MANSC4: variants seen among roughly 807,000 people sequenced by gnomAD.
MANSC4 encodes MANSC domain containing 4, also known as MANSC domain-containing protein 4.
Under a neutral mutation model 11.4 loss-of-function variants are expected in MANSC4, and 11 were observed. That is an observed-to-expected ratio of 0.97 (90% CI 0.61 to 1.60). The LOEUF is 1.60. Ranked by LOEUF, MANSC4 falls within the 40% of genes most tolerant of loss-of-function variation. The pLI is 0.00. For synonymous variants in MANSC4, 123 were observed against 147.1 expected (o/e 0.84, Z 1.19); for missense variants, 354 against 404.6 (o/e 0.88, Z 1.07).
rs372024346 is a variant in MANSC4, at chr12:27,773,551, G to T, written c.-306-1969C>A. ...ATACATTATATTTCTTTCCAATAGGGTGCTCTTGCTCTGCAGAGGGGTTCA... is the reference window on the plus strand; with the variant it reads ...ATACATTATATTTCTTTCCAATAGGTTGCTCTTGCTCTGCAGAGGGGTTCA... On this transcript the variant is annotated intron_variant, in intron 1 of 3. Coordinates refer to ENST00000381273, the MANE Select transcript of MANSC4 (RefSeq NM_001146221.5). 2.0e-5 allele frequency among the ~76,000 whole-genome samples: 3 copies of T among 152,294 alleles called. No individual in the cohort carries two copies. The South Asian group carries it at 6.2e-4, about 32-fold the overall frequency.
intron 1 of MANSC4, among the ~76,000 whole-genome samples, chr12:27,779,030 G>A (rs529765231): frequency 2.6e-5 from 4 of 152,258 alleles, no homozygotes; most frequent in African/African-American, 7.2e-5. Flanking sequence ...CACCACGCCC[G>A]GCTAATTTTT....
Position 27,780,181 on chromosome 12 carries a change from G to A in MANSC4, c.-307+29C>T, listed in dbSNP as rs1424299317. 5 of 438,696 alleles carry A rather than the reference G, an allele frequency of 1.1e-5. No homozygotes were observed. Among genetic ancestry groups the A allele is most frequent in the Non-Finnish European group, 1.7e-5 (5 of 291,138 alleles). The allele number at this position is 438,696 out of a possible 1,614,324, so 27.2% of individuals were successfully genotyped here. ...GGCCCCGGGAGGAGGGGCCGCCGGA[G>A]AGGCCGGGCGAGCGCGGGCGGCCCT... is the stretch of plus-strand genomic sequence containing the variant. On this transcript the variant is annotated intron_variant, in intron 1 of 3. Transcript: ENST00000381273. This position sits in a 1 kb window ranked among gnomAD's most constrained non-coding sequence, Gnocchi z 8.8.
Position 27,771,291 on chromosome 12 carries a change from G to T in MANSC4, c.-15C>A. 1 of 1,545,024 alleles carries T rather than the reference G, an allele frequency of 6.5e-7. No individual in the cohort carries two copies. Reference sequence around the variant, plus strand: ...GCCACATGCATTTTTCCTGTATGAAGGAAGACTCGAAGATAAGTCTGATTT... The same window carrying T: ...GCCACATGCATTTTTCCTGTATGAATGAAGACTCGAAGATAAGTCTGATTT... On this transcript the variant is annotated 5_prime_UTR_variant, in exon 2 of 4. Transcript: ENST00000381273.
Position 27,763,396 on chromosome 12 carries a change from C to T in MANSC4, c.365G>A (p.Gly122Asp). 1 of 1,532,758 alleles carries T rather than the reference C, an allele frequency of 6.5e-7. No homozygotes were observed. Among genetic ancestry groups the T allele is most frequent in the African/African-American group, 1.4e-5 (1 of 72,180 alleles). 94.9% of individuals were successfully genotyped at this position (1,532,758 alleles called of 1,614,324 possible). A position where few individuals can be genotyped will look rare whatever the true frequency, so the allele number is the denominator to read the frequency against. ...TSAILYNITD[G>D]IDPDLLVFEQ... The stretch of plus-strand genomic sequence containing the variant: ...AAAAACCAGCAAATCCGGATCTATA[C>T]CTGAAAAATAAATAAGGCATCATTC... Residue 122 changes from glycine (G) to aspartate (D), a missense_variant and splice_region_variant, in exon 4 of 4, where the codon GGT (glycine) becomes GAT (aspartate). Physicochemically the swap from Gly to Asp is moderately conservative, Grantham distance 94. Transcript: ENST00000381273.
chr12:27,770,885 A>T lies in MANSC4; in HGVS notation c.229+163T>A, dbSNP rs139435457. The stretch of plus-strand genomic sequence containing the variant: ...CTGCTGTGGCCCAGACTGTGAAATC[A>T]GTTTCACTGGCTCTCTTACCTCTCC... On this transcript the variant is annotated intron_variant, in intron 2 of 3. Transcript: ENST00000381273. Among the ~76,000 whole-genome samples, 5 of 152,312 alleles carry T rather than the reference A, an allele frequency of 3.3e-5. No individual in the cohort carries two copies. In the East Asian group the frequency reaches 9.6e-4, roughly 29 times the overall value.
intron 3 of MANSC4, 51 bp from the exon 4 acceptor site, chr12:27,763,447 A>C (rs1051388213): frequency 2.0e-6 from 3 of 1,478,578 alleles, no homozygotes; most frequent in Non-Finnish European, 2.7e-6. Context: ...TCAAAGCAAA[A>C]ACCCTAAAGC....
Position 27,771,224 on chromosome 12 carries a change from C to T in MANSC4, c.53G>A (p.Trp18Ter), listed in dbSNP as rs1565477956. ...GGGTGAGCAGAGAGAGTCTGATGTC[C>T]ACCCCATGCTTAGGAGCAATATCAC... ...VNVILLLSMGWTSDSLCSPTI... is the reference protein window; with the variant it reads ...VNVILLLSMG Residue 18 changes from tryptophan to a stop codon, truncating the protein, a stop_gained, in exon 2 of 4, where the codon TGG (tryptophan) becomes TAG (stop). Coordinates refer to ENST00000381273, the MANE Select transcript of MANSC4 (RefSeq NM_001146221.5). LOFTEE classifies it high-confidence loss of function. 2.6e-6 allele frequency: 4 copies of T among 1,551,788 alleles called. No individual in the cohort carries two copies. The highest frequency in any genetic ancestry group is 3.5e-6 in the Non-Finnish European group (4 of 1,147,100).
In MANSC4 at chr12:27,770,861, T is replaced by G. The variant is rs2062097316; in HGVS notation, c.229+187A>C. 3.9e-5 allele frequency among the ~76,000 whole-genome samples: 6 copies of G among 152,334 alleles called. No homozygotes were observed. The South Asian group carries it at 1.2e-3, about 32-fold the overall frequency. On this transcript the variant is annotated intron_variant, in intron 2 of 3. Transcript: ENST00000381273. The stretch of plus-strand genomic sequence containing the variant: ...CATTATTAGATCTGTAAATAGAGCC[T>G]GCTGTGGCCCAGACTGTGAAATCAG...
At chr12:27,771,851 T>C (rs1314072891) in intron 1 of MANSC4, among the ~76,000 whole-genome samples, 1 of 152,156 alleles carries the variant, frequency 6.6e-6, no homozygotes, top group African/African-American at 2.4e-5. Flanking sequence ...AAAATAATTT[T>C]TTTGCACTGG....
intron 1 of MANSC4, among the ~76,000 whole-genome samples, chr12:27,775,610 C>T (rs111765208): frequency 0.12 from 18,052 of 151,920 alleles, 1,378 homozygotes; most frequent in South Asian, 0.25. Context: ...ACTATGTTGC[C>T]CAGGCTGGCC....
Position 27,777,922 on chromosome 12 carries a change from A to G in MANSC4, c.-307+2288T>C, listed in dbSNP as rs191896333. ...AGGTAGCAAGACCCTATCTCTATGG[A>G]AAAAAAAAATGCATTTTTTTTTGCT... On this transcript the variant is annotated intron_variant, in intron 1 of 3. Transcript: ENST00000381273. 8.1e-5 allele frequency among the ~76,000 whole-genome samples: 12 copies of G among 148,526 alleles called. No individual in the cohort carries two copies. In the East Asian group the frequency reaches 1.2e-3, roughly 15 times the overall value.
At chr12:27,766,193 G>A (rs1463266045) in intron 3 of MANSC4, among the ~76,000 whole-genome samples, 1 of 151,722 alleles carries the variant, frequency 6.6e-6, no homozygotes, top group Non-Finnish European at 1.5e-5. Flanking sequence ...TCAGCCTCCT[G>A]AGTAGCTGGG....
intron 2 of MANSC4, among the ~76,000 whole-genome samples, chr12:27,769,771 A>G (rs2062092091): frequency 6.6e-6 from 1 of 152,260 alleles, no homozygotes; most frequent in African/African-American, 2.4e-5. Flanking sequence ...TTGGAAATTA[A>G]CAAGTTGATA....
At chr12:27,775,071 G>A (rs1370848413) in intron 1 of MANSC4, among the ~76,000 whole-genome samples, 1 of 145,430 alleles carries the variant, frequency 6.9e-6, no homozygotes, top group Non-Finnish European at 1.5e-5. Context: ...AAATAAATAA[G>A]ATTACTTTCC....
At chr12:27,767,162 G>T (rs2062075741) in intron 2 of MANSC4, among the ~76,000 whole-genome samples, 1 of 151,798 alleles carries the variant, frequency 6.6e-6, no homozygotes, top group South Asian at 2.1e-4. Context: ...GTATTTTTTT[G>T]TAGAGGCAGG....
rs1591809171 is a variant in MANSC4 at position 27,768,000 on chromosome 12, G to T, written c.230-1201C>A. ...AGCCTAATCAGTGTCATTTAAAGAG[G>T]CAGGGACTGGACAGGCAGGGATGCT... On this transcript the variant is annotated intron_variant, in intron 2 of 3. Coordinates refer to ENST00000381273, the MANE Select transcript of MANSC4 (RefSeq NM_001146221.5). Among the ~76,000 whole-genome samples the T allele has an allele frequency of 4.6e-5, 7 of 152,290 alleles. No individual in the cohort carries two copies. In the South Asian group the frequency reaches 1.2e-3, roughly 27 times the overall value.
chr12:27,764,003 G>A (rs1217917732), intron 3 of MANSC4, among the ~76,000 whole-genome samples: 1 of 152,156 alleles, frequency 6.6e-6, no homozygotes, highest in Non-Finnish European at 1.5e-5. Context: ...AAAGTGCTGG[G>A]GTTATAGGCA....
At position 27,773,412 on chromosome 12, in the gene MANSC4, A is replaced by T. The variant is rs558272365; in HGVS notation, c.-306-1830T>A. ...GGGAGGCATCCATAACAATCTCAAA[A>T]CTTGTCCCTGTGTGCTGAAACTGCA... On this transcript the variant is annotated intron_variant, in intron 1 of 3. Transcript: ENST00000381273. 2.0e-5 allele frequency among the ~76,000 whole-genome samples: 3 copies of T among 151,024 alleles called. No individual in the cohort carries two copies. The South Asian group carries it at 6.2e-4, about 31-fold the overall frequency.
intron 1 of MANSC4, among the ~76,000 whole-genome samples, chr12:27,774,030 C>T (rs1293840367): frequency 6.6e-6 from 1 of 152,058 alleles, no homozygotes; most frequent in Non-Finnish European, 1.5e-5. Context: ...CGGCTGTAAT[C>T]CCAGCTACTC....
Sources: allele counts gnomAD v4.1 joint callset (sites outside exome capture counted in the v4.1 genomes callset), GRCh38; gene constraint gnomAD v4.1.1; non-coding constraint Gnocchi (gnomAD v3.1); transcripts MANE v1.5; gene names NCBI Gene and HGNC (gene_info 2026-07-23, HGNC 2026-07-21).